The following GPR176 variants were observed in gnomAD, a reference collection of about 807,000 sequenced individuals.
The protein encoded by GPR176 is G protein-coupled receptor 176, also known as G-protein coupled receptor 176.
Under a neutral mutation model 35.4 loss-of-function variants are expected in GPR176, and 26 were observed. That is an observed-to-expected ratio of 0.74 (90% CI 0.54 to 1.02). The LOEUF (loss-of-function observed/expected upper bound fraction) is 1.02. Among genes scored for constraint, GPR176 ranks in the 50% least tolerant of loss-of-function variants. GPR176 has a pLI of 0.00. For missense variants in GPR176, 597 were observed against 665.3 expected (o/e 0.90, Z 1.13); for synonymous variants, 278 against 271.3 (o/e 1.02, Z -0.24).
intron 1 of GPR176, among the ~76,000 whole-genome samples, chr15:39,913,145 T>C (rs2033623921): frequency 6.6e-6 from 1 of 152,212 alleles, no homozygotes. Context: ...TGCTAATATA[T>C]GCTAAAACAT....
chr15:39,887,205 G>A lies in GPR176; in HGVS notation c.172+32650C>T, dbSNP rs1260620726. The stretch of plus-strand genomic sequence containing the variant: ...TGCAGGTAATCCAAAATCCATACTT[G>A]GAAACACACTGGCAACTCAAAAGTG... On this transcript the variant is annotated intron_variant, in intron 1 of 2. Transcript: ENST00000561100. Among the ~76,000 whole-genome samples the A allele has an allele frequency of 1.3e-5, 2 of 152,116 alleles. 1 individual carries two copies. The highest frequency in any genetic ancestry group is 1.3e-4 in the Admixed American group (2 of 15,278).
At chr15:39,853,691 T>G (rs1001564365) in intron 1 of GPR176, among the ~76,000 whole-genome samples, 3 of 152,200 alleles carry the variant, frequency 2.0e-5, no homozygotes, top group Non-Finnish European at 4.4e-5. Flanking sequence ...GGAGACATTT[T>G]TGGTTGTCAT....
intron 1 of GPR176, among the ~76,000 whole-genome samples, chr15:39,876,397 C>T (rs907717072): frequency 1.1e-4 from 17 of 151,954 alleles, no homozygotes; most frequent in Non-Finnish European, 1.6e-4. Context: ...TTGTGCACAG[C>T]GAACTAAGGC....
At chr15:39,895,840 T>C (rs2033096236) in intron 1 of GPR176, among the ~76,000 whole-genome samples, 2 of 152,220 alleles carry the variant, frequency 1.3e-5, no homozygotes, top group African/African-American at 4.8e-5. Flanking sequence ...TGAAGCTCAG[T>C]TAAATTACTT....
At chr15:39,911,456 C>T (rs962254209) in intron 1 of GPR176, among the ~76,000 whole-genome samples, 3 of 152,142 alleles carry the variant, frequency 2.0e-5, no homozygotes, top group Admixed American at 6.5e-5. Context: ...ATGATTCTTC[C>T]GAATGAAATG....
chr15:39,825,337 T>C (rs1232942250), intron 1 of GPR176, among the ~76,000 whole-genome samples: 2 of 152,236 alleles, frequency 1.3e-5, no homozygotes, highest in Non-Finnish European at 2.9e-5. Flanking sequence ...TACACTTATA[T>C]ACTTAATTTT....
intron 1 of GPR176, among the ~76,000 whole-genome samples, chr15:39,860,646 A>T (rs905549914): frequency 3.8e-4 from 58 of 152,228 alleles, no homozygotes; most frequent in Admixed American, 2.4e-3. Context: ...AAGAGACCTG[A>T]AGGCTCATAA....
chr15:39,883,629 A>G (rs2032563671), intron 1 of GPR176, among the ~76,000 whole-genome samples: 1 of 152,074 alleles, frequency 6.6e-6, no homozygotes, highest in Non-Finnish European at 1.5e-5. Flanking sequence ...AGCAGTGTCT[A>G]GGTGGTCTGC....
chr15:39,809,368 T>C (rs1474728790), intron 1 of GPR176, among the ~76,000 whole-genome samples: 1 of 152,076 alleles, frequency 6.6e-6, no homozygotes, highest in East Asian at 1.9e-4. Flanking sequence ...GGTTACACAT[T>C]TAAAAATAAA....
chr15:39,906,287 C>T (rs1173471387), intron 1 of GPR176, among the ~76,000 whole-genome samples: 2 of 152,156 alleles, frequency 1.3e-5, no homozygotes, highest in Non-Finnish European at 2.9e-5. Context: ...TTCCACAACC[C>T]CACTCCTACT....
chr15:39,861,223 T>C (rs1329523627), intron 1 of GPR176, among the ~76,000 whole-genome samples: 2 of 152,192 alleles, frequency 1.3e-5, no homozygotes, highest in East Asian at 1.9e-4. Context: ...ACTTTACTTA[T>C]AATATGCAGA....
intron 1 of GPR176, among the ~76,000 whole-genome samples, chr15:39,820,471 G>A (rs1008207227): frequency 3.3e-5 from 5 of 152,092 alleles, no homozygotes; most frequent in Non-Finnish European, 5.9e-5. Context: ...GAGGGAGAGG[G>A]GCAAAGTAAA....
At chr15:39,854,049 T>C (rs1342623294) in intron 1 of GPR176, among the ~76,000 whole-genome samples, 5 of 152,202 alleles carry the variant, frequency 3.3e-5, no homozygotes, top group South Asian at 4.1e-4. Context: ...CTATACATCC[T>C]TCCATATTTG....
At chr15:39,908,120 C>T (rs1292312743) in intron 1 of GPR176, among the ~76,000 whole-genome samples, 1 of 152,234 alleles carries the variant, frequency 6.6e-6, no homozygotes, top group Non-Finnish European at 1.5e-5. Flanking sequence ...GGACCTCTGC[C>T]TCTGCACATC....
intron 1 of GPR176, among the ~76,000 whole-genome samples, chr15:39,807,859 T>C (rs1899300043): frequency 6.6e-6 from 1 of 152,202 alleles, no homozygotes; most frequent in Non-Finnish European, 1.5e-5. Flanking sequence ...TTACAGCACA[T>C]CTCAGTTTGC....
chr15:39,873,626 T>C (rs932733319), intron 1 of GPR176, among the ~76,000 whole-genome samples: 3 of 151,406 alleles, frequency 2.0e-5, no homozygotes, highest in Non-Finnish European at 4.4e-5. Flanking sequence ...CTTTTCTTTT[T>C]TTTTTTTTGA....
chr15:39,800,994 A>G lies in GPR176; in HGVS notation c.*138T>C. The stretch of plus-strand genomic sequence containing the variant: ...TTTTATGTAGATTTCCCTATCATTC[A>G]AAAGCATCTGGCCCATATTGGAGGA... On this transcript the variant is annotated 3_prime_UTR_variant, in exon 3 of 3. Coordinates refer to ENST00000561100, the MANE Select transcript of GPR176 (RefSeq NM_007223.3). 1 of 722,098 alleles carries G rather than the reference A, an allele frequency of 1.4e-6. No homozygotes were observed. Among genetic ancestry groups the G allele is most frequent in the Non-Finnish European group, 2.4e-6 (1 of 424,530 alleles). 44.7% of individuals were successfully genotyped at this position (722,098 alleles called of 1,614,324 possible).
chr15:39,874,803 G>C lies in GPR176; in HGVS notation c.172+45052C>G, dbSNP rs530616303. Among the ~76,000 whole-genome samples the C allele has an allele frequency of 3.3e-5, 5 of 152,270 alleles. No homozygotes were observed. In the East Asian group the frequency reaches 9.7e-4, roughly 29 times the overall value. On this transcript the variant is annotated intron_variant, in intron 1 of 2. Transcript: ENST00000561100. ...TCATGTGTGTAATCCCAGCACTTTGGGGGGCCAAGGCAGGTGGATCACCTG... is the reference window on the plus strand; with the variant it reads ...TCATGTGTGTAATCCCAGCACTTTGCGGGGCCAAGGCAGGTGGATCACCTG...
Position 39,830,332 on chromosome 15 carries a change from C to T in GPR176, c.173-23074G>A, listed in dbSNP as rs78576210. Among the ~76,000 whole-genome samples the T allele has an allele frequency of 2.7e-3, 415 of 152,192 alleles. 4 individuals carry two copies. The East Asian group carries it at 0.028, about 10-fold the overall frequency. ...GACAAAATCTCAAGGAGTTGACAAA[C>T]GAGTTTGACATATAGATAGATAAGT... On this transcript the variant is annotated intron_variant, in intron 1 of 2. Coordinates refer to ENST00000561100, the MANE Select transcript of GPR176 (RefSeq NM_007223.3).
Sources: gnomAD v4.1 joint callset for allele counts (sites outside exome capture counted in the v4.1 genomes callset) on GRCh38, gnomAD v4.1.1 for gene constraint, MANE v1.5 for transcripts, NCBI Gene and HGNC (gene_info 2026-07-23, HGNC 2026-07-21) for gene names.